SEZ6: variants seen among roughly 807,000 people sequenced by gnomAD.
SEZ6 encodes seizure protein 6 homolog.
In SEZ6, 53 loss-of-function variants were observed where a neutral mutation model predicts 101.0. The observed-to-expected ratio is 0.52, with a 90% confidence interval of 0.42 to 0.66. The LOEUF (loss-of-function observed/expected upper bound fraction) is 0.66. Ranked by LOEUF, SEZ6 falls within the 30% of genes least tolerant of loss-of-function variation. The pLI is 0.00. For missense variants in SEZ6, 1,102 were observed against 1,289.4 expected, an observed-to-expected ratio of 0.85 and a Z score of 2.23; for synonymous variants, 488 against 512.2, an observed-to-expected ratio of 0.95 and a Z score of 0.64.
chr17:29,005,265 C>T lies in SEZ6; in HGVS notation c.55+550G>A, dbSNP rs1469363353. ...GCTCTAGGTCCCGACTCTGGCGTGGCAGCGCCAGGGCATGGGGAGGTGAGC... is the reference window on the plus strand; with the variant it reads ...GCTCTAGGTCCCGACTCTGGCGTGGTAGCGCCAGGGCATGGGGAGGTGAGC... On this transcript the variant is annotated intron_variant, in intron 1 of 16. Transcript: ENST00000317338. This position sits in a 1 kb window ranked among gnomAD's most constrained non-coding sequence, Gnocchi z 4.8. Among the ~76,000 whole-genome samples the T allele has an allele frequency of 6.6e-6, 1 of 152,214 alleles. No individual in the cohort carries two copies. The highest frequency in any genetic ancestry group is 1.5e-5 in the Non-Finnish European group (1 of 68,032).
intron 3 of SEZ6, among the ~76,000 whole-genome samples, chr17:28,973,123 A>G (rs1205621304): frequency 6.6e-6 from 1 of 152,130 alleles, no homozygotes; most frequent in Non-Finnish European, 1.5e-5. Context: ...CTTGTATTGT[A>G]CTAAGTGCTT....
Position 28,956,383 on chromosome 17 carries a change from A to T in SEZ6, c.2816T>A (p.Leu939Ter). 1 of 1,573,082 alleles carries T rather than the reference A, an allele frequency of 6.4e-7. No homozygotes were observed. Among genetic ancestry groups the T allele is most frequent in the Non-Finnish European group, 8.6e-7 (1 of 1,159,096 alleles). The change falls in exon 15 of 17, where the codon TTG becomes TAG. Residue 939 changes from leucine (L) to a stop codon, truncating the protein, a stop_gained. Transcript: ENST00000317338. LOFTEE classifies it high-confidence loss of function. ...AIFLPLVAMV[L>*]LVGGVYFYFS... ...GTAGAAGTATACACCTCCTACCAAC[A>T]ACACCATCGCCACCAGTGGCAAGAA...
At chr17:29,001,290 A>T (rs991852476) in intron 1 of SEZ6, among the ~76,000 whole-genome samples, 6 of 152,174 alleles carry the variant, frequency 3.9e-5, no homozygotes, top group Non-Finnish European at 7.3e-5. Flanking sequence ...CTTCCCCAAG[A>T]CATAGTGGGT....
chr17:28,960,355 G>C, intron 7 of SEZ6, 150 bp downstream of exon 7: 1 of 1,046,128 alleles, frequency 9.6e-7, no homozygotes, highest in Non-Finnish European at 1.4e-6. Flanking sequence ...GAGGGGCAGG[G>C]AAAGGGGGCC....
At chr17:29,002,088 CT>C (rs78272133) in intron 1 of SEZ6, among the ~76,000 whole-genome samples, 2,560 of 137,644 alleles carry the variant, frequency 0.019, 45 homozygotes, top group African/African-American at 0.051. Flanking sequence ...CCTCTTTCTT[CT>C]TTTTTTTTTT....
chr17:28,956,246 G>T lies in SEZ6; in HGVS notation c.2865C>A (p.Ser955Arg). ...YFYFSRLQGKSSLQLPRPRPR... is the reference protein window; with the variant it reads ...YFYFSRLQGKRSLQLPRPRPR... ...GGCGGGGGCGGGGCAGCTGCAGGGAGCTTTTTCCCTGGAGCCTGTGGGGCA... is the reference window on the plus strand; with the variant it reads ...GGCGGGGGCGGGGCAGCTGCAGGGATCTTTTTCCCTGGAGCCTGTGGGGCA... Residue 955 changes from serine to arginine, a missense_variant, in exon 16 of 17, where the codon AGC (serine) becomes AGA (arginine). Around this residue, in one of 3 missense-constraint regions of SEZ6, gnomAD observed 140 missense variants for 135.7 expected, o/e 1.03. Coordinates refer to ENST00000317338, the MANE Select transcript of SEZ6 (RefSeq NM_178860.5). The T allele has an allele frequency of 6.3e-7, 1 of 1,599,182 alleles. No individual in the cohort carries two copies.
rs765532726 is a variant in SEZ6 at position 28,959,792 on chromosome 17, G to T, written c.1677C>A (p.Cys559Ter). The T allele has an allele frequency of 6.2e-7, 1 of 1,613,824 alleles. No individual in the cohort carries two copies. The highest frequency in any genetic ancestry group is 8.5e-7 in the Non-Finnish European group (1 of 1,179,794). ...CCTGCTCCAGGGTGTAGCCAGGGTC[G>T]CAGCTGAACTCCACAGTGGTACCCA... is the stretch of plus-strand genomic sequence containing the variant. The part of the protein sequence containing the change: ...YPVGTTVEFS[C>*]DPGYTLEQGS... Residue 559 changes from cysteine (C) to a stop codon, truncating the protein, a stop_gained, in exon 8 of 17, where the codon TGC becomes TGA. Coordinates refer to ENST00000317338, the MANE Select transcript of SEZ6 (RefSeq NM_178860.5). LOFTEE classifies it high-confidence loss of function. This position sits in a 1 kb window ranked among gnomAD's most constrained non-coding sequence, Gnocchi z 4.4.
chr17:28,960,341 A>G (rs1394189704), intron 7 of SEZ6, 164 bp downstream of exon 7: 5 of 923,106 alleles, frequency 5.4e-6, no homozygotes, highest in Non-Finnish European at 8.3e-6. Flanking sequence ...CCCGGACCCA[A>G]AGAGAGGGGC....
chr17:28,999,443 G>A (rs552742456), intron 1 of SEZ6, among the ~76,000 whole-genome samples: 24 of 152,024 alleles, frequency 1.6e-4, no homozygotes, highest in Non-Finnish European at 2.8e-4. Flanking sequence ...CTGCCAGACT[G>A]CCTGCCAGCA....
intron 1 of SEZ6, among the ~76,000 whole-genome samples, chr17:29,000,654 A>G (rs1198836594): frequency 6.6e-6 from 1 of 152,100 alleles, no homozygotes; most frequent in Non-Finnish European, 1.5e-5. Context: ...CCAAAGATTC[A>G]TGTTGGTCCC....
At chr17:28,994,349 C>G (rs1029526189) in intron 1 of SEZ6, among the ~76,000 whole-genome samples, 1 of 152,088 alleles carries the variant, frequency 6.6e-6, no homozygotes, top group African/African-American at 2.4e-5. Flanking sequence ...AATCTTGGCT[C>G]ACTGCAACCT....
intron 11 of SEZ6, 35 bp downstream of exon 11, chr17:28,957,912 T>C (rs772171325): frequency 1.9e-6 from 3 of 1,593,202 alleles, no homozygotes; most frequent in Non-Finnish European, 1.7e-6. Flanking sequence ...GGAGTTTGTG[T>C]TGGGAAGGGG....
intron 1 of SEZ6, among the ~76,000 whole-genome samples, chr17:29,004,015 C>A (rs2041651637): frequency 6.6e-6 from 1 of 152,188 alleles, no homozygotes. Flanking sequence ...TGGATTCCCA[C>A]AGTCTCACTC....
chr17:28,997,139 G>C (rs2041553719), intron 1 of SEZ6, among the ~76,000 whole-genome samples: 1 of 152,128 alleles, frequency 6.6e-6, no homozygotes, highest in Admixed American at 6.5e-5. Flanking sequence ...CAGGACTGGG[G>C]CTCTGCCAGG....
intron 3 of SEZ6, among the ~76,000 whole-genome samples, chr17:28,973,607 G>C (rs1257565883): frequency 6.6e-6 from 1 of 152,210 alleles, no homozygotes; most frequent in East Asian, 1.9e-4. Context: ...ACCAGAGGCT[G>C]TCTGTGCAGC....
At chr17:28,997,967 C>T (rs1248933679) in intron 1 of SEZ6, among the ~76,000 whole-genome samples, 1 of 152,136 alleles carries the variant, frequency 6.6e-6, no homozygotes, top group African/African-American at 2.4e-5. Context: ...CTGCCCCCAC[C>T]CCCAGGCTCT....
chr17:28,957,640 AT>A, intron 11 of SEZ6, 101 bp from the exon 12 acceptor site: 1 of 1,297,882 alleles, frequency 7.7e-7, no homozygotes, highest in Non-Finnish European at 1.1e-6. Flanking sequence ...TTCATGTCGT[AT>A]GGGTCTACCC....
chr17:29,004,401 TC>T (rs2041656592), intron 1 of SEZ6, among the ~76,000 whole-genome samples: 1 of 152,098 alleles, frequency 6.6e-6, no homozygotes, highest in African/African-American at 2.4e-5. Flanking sequence ...GCAGGACTCT[TC>T]CCCTCTCCCC....
intron 1 of SEZ6, among the ~76,000 whole-genome samples, chr17:28,996,801 C>T (rs2041549188): frequency 6.6e-6 from 1 of 152,138 alleles, no homozygotes; most frequent in African/African-American, 2.4e-5. Context: ...ACTGCACAGC[C>T]CCCAGCCTCT....
Sources: gnomAD v4.1 joint callset for allele counts (sites outside exome capture counted in the v4.1 genomes callset) on GRCh38, gnomAD v4.1.1 for gene constraint, gnomAD v4.1.1 regional missense constraint, Gnocchi (gnomAD v3.1) non-coding constraint, MANE v1.5 for transcripts, NCBI Gene and HGNC (gene_info 2026-07-23, HGNC 2026-07-21) for gene names.